The following DMD variants were observed in gnomAD, a reference collection of about 807,000 sequenced individuals.
DMD encodes the protein dystrophin.
In DMD, 63 loss-of-function variants were observed where a neutral mutation model predicts 330.1. The ratio of observed to expected loss-of-function variants is 0.19; its 90% confidence interval spans 0.16 to 0.24. The LOEUF is 0.24. Among genes scored for constraint, DMD ranks in the 10% least tolerant of loss-of-function variants. The probability of loss-of-function intolerance (pLI) is 1.00; values close to 1 mark genes in which losing one functional copy is unlikely to be tolerated. For synonymous variants in DMD, 1,223 were observed against 959.8 expected (o/e 1.27, Z -5.07); for missense variants, 3,344 against 2,684.1 (o/e 1.25, Z -5.43).
intron 45 of DMD, among the ~76,000 whole-genome samples, chrX:31,966,186 G>A (rs1274110365): frequency 6.3e-5 from 7 of 110,700 alleles, no homozygotes; most frequent in South Asian, 7.4e-4. Context: ...ATCTGCTTGC[G>A]TTGCACTGAG....
At chrX:32,934,820 T>C (rs1175907645) in intron 2 of DMD, among the ~76,000 whole-genome samples, 1 of 112,617 alleles carries the variant, frequency 8.9e-6, no homozygotes, top group Non-Finnish European at 1.9e-5. Context: ...AATCTGGGGA[T>C]TGTCATATCA....
intron 44 of DMD, among the ~76,000 whole-genome samples, chrX:32,071,693 C>G (rs997349134): frequency 2.7e-5 from 3 of 110,327 alleles, no homozygotes; most frequent in Non-Finnish European, 5.7e-5. Flanking sequence ...AAAAAAAGAA[C>G]TTACTCATGT....
chrX:32,614,726 T>A (rs1460170690), intron 11 of DMD, among the ~76,000 whole-genome samples: 1 of 111,279 alleles, frequency 9.0e-6, no homozygotes, highest in African/African-American at 3.3e-5. Flanking sequence ...CATCTGATAA[T>A]TGACTAAGTA....
At chrX:32,995,862 G>C (rs1003925403) in intron 2 of DMD, among the ~76,000 whole-genome samples, 28 of 111,705 alleles carry the variant, frequency 2.5e-4, no homozygotes, top group African/African-American at 8.5e-4. Flanking sequence ...CTTAACTCTG[G>C]CCTTTGATAT....
At chrX:33,094,013 T>C (rs1277483145) in intron 1 of DMD, among the ~76,000 whole-genome samples, 1 of 111,218 alleles carries the variant, frequency 9.0e-6, no homozygotes, top group Non-Finnish European at 1.9e-5. Context: ...TTAAAAGAAA[T>C]GTTCGCAGAT....
At chrX:32,859,863 G>A (rs770575038) in intron 2 of DMD, among the ~76,000 whole-genome samples, 18 of 111,181 alleles carry the variant, frequency 1.6e-4, no homozygotes, top group Non-Finnish European at 2.6e-4. Context: ...TCAAGTGTAT[G>A]AGAACTATTT....
At chrX:32,438,496 T>C in intron 28 of DMD, 106 bp from the exon 29 acceptor site, 1 of 986,797 alleles carries the variant, frequency 1.0e-6, no homozygotes, top group East Asian at 3.3e-5. Flanking sequence ...TAAGTCATAA[T>C]CAATTTAAAG....
At chrX:32,465,756 TTG>T (rs2039958654) in intron 23 of DMD, among the ~76,000 whole-genome samples, 1 of 109,936 alleles carries the variant, frequency 9.1e-6, no homozygotes, top group African/African-American at 3.3e-5. Context: ...CAGCTAATTT[TTG>T]TGTTTTTAGT....
At chrX:33,105,480 C>A (rs1478418544) in intron 1 of DMD, among the ~76,000 whole-genome samples, 1 of 112,035 alleles carries the variant, frequency 8.9e-6, no homozygotes, top group Admixed American at 9.5e-5. Context: ...TAACCATCAA[C>A]GTAAACAGAA....
chrX:31,944,208 T>G (rs995621432), intron 45 of DMD, among the ~76,000 whole-genome samples: 1 of 104,103 alleles, frequency 9.6e-6, no homozygotes, highest in Admixed American at 1.0e-4. Context: ...AGATGTTATT[T>G]GACTTTTTCC....
intron 44 of DMD, among the ~76,000 whole-genome samples, chrX:32,104,428 G>A (rs865893391): frequency 9.0e-6 from 1 of 111,208 alleles, no homozygotes; most frequent in South Asian, 3.8e-4. Context: ...TGCCAGGACT[G>A]GAGGCCAGAT....
rs765775087 is a variant in DMD at position 32,186,178 on chromosome X, ATTG to A, written c.6438+30735_6438+30737del. ...GACACATCACACTGGTTTTGTTATT[ATTG>A]TTGTTTTCTTCCATTAATCTCACAC... On this transcript the variant is annotated intron_variant, in intron 44 of 78. Transcript: ENST00000357033. 2.7e-4 allele frequency among the ~76,000 whole-genome samples: 30 copies of A among 110,673 alleles called. 1 individual carries two copies. Among genetic ancestry groups the A allele is most frequent in the African/African-American group, 9.8e-4 (30 of 30,631 alleles).
At chrX:32,723,161 A>ATAC (rs2066503695) in intron 7 of DMD, among the ~76,000 whole-genome samples, 2 of 111,641 alleles carry the variant, frequency 1.8e-5, no homozygotes, top group Admixed American at 1.9e-4. Context: ...AGCTTTATCA[A>ATAC]ATGCTTTTTC....
chrX:32,906,707 G>A (rs2086757032), intron 2 of DMD, among the ~76,000 whole-genome samples: 1 of 111,218 alleles, frequency 9.0e-6, no homozygotes, highest in Admixed American at 9.6e-5. Flanking sequence ...TTTCTAAAAG[G>A]TTGCTCCAAA....
intron 30 of DMD, among the ~76,000 whole-genome samples, chrX:32,401,619 T>A (rs2098086637): frequency 9.0e-6 from 1 of 111,221 alleles, no homozygotes; most frequent in African/African-American, 3.3e-5. Flanking sequence ...GGTACAAAAA[T>A]TAGAAATAAT....
At chrX:32,123,202 C>CATATCTAT (rs2096644975) in intron 44 of DMD, among the ~76,000 whole-genome samples, 1 of 32,576 alleles carries the variant, frequency 3.1e-5, no homozygotes, top group Non-Finnish European at 5.0e-5. Context: ...TGTGAGCATG[C>CATATCTAT]ATATATATAT....
intron 51 of DMD, among the ~76,000 whole-genome samples, chrX:31,768,064 T>C (rs1044925055): frequency 1.8e-5 from 2 of 111,538 alleles, no homozygotes; most frequent in Admixed American, 1.9e-4. Flanking sequence ...GGAAAGGTCT[T>C]ACTGGAGGAT....
At chrX:31,799,808 T>C (rs1399138056) in intron 50 of DMD, among the ~76,000 whole-genome samples, 1 of 112,029 alleles carries the variant, frequency 8.9e-6, no homozygotes, top group Non-Finnish European at 1.9e-5. Flanking sequence ...AGGCATTGGG[T>C]AAATACACCT....
intron 11 of DMD, among the ~76,000 whole-genome samples, chrX:32,636,699 G>A (rs1236830447): frequency 1.8e-5 from 2 of 111,778 alleles, no homozygotes; most frequent in Non-Finnish European, 3.8e-5. Flanking sequence ...GTGGCTGGAT[G>A]CAAAAGATTC....
Sources: gnomAD v4.1 joint callset for allele counts (sites outside exome capture counted in the v4.1 genomes callset) on GRCh38, gnomAD v4.1.1 for gene constraint, MANE v1.5 for transcripts, NCBI Gene and HGNC (gene_info 2026-07-23, HGNC 2026-07-21) for gene names.